The following DCC variants were observed in gnomAD, a reference collection of about 807,000 sequenced individuals.
DCC encodes DCC netrin 1 receptor.
DCC carries 58 observed loss-of-function variants against 172.5 expected under a neutral mutation model. The observed-to-expected ratio is 0.34, with a 90% CI of 0.27 to 0.42. The LOEUF (loss-of-function observed/expected upper bound fraction) is 0.42, where lower values mean the gene tolerates loss of function less well. Ranked by LOEUF, DCC falls within the 10% of genes least tolerant of loss-of-function variation. The probability of loss-of-function intolerance (pLI) is 1.00; values close to 1 mark genes in which losing one functional copy is unlikely to be tolerated. For missense variants in DCC, 1,740 were observed against 1,791.0 expected (o/e 0.97, Z 0.51); for synonymous variants, 709 against 644.5 (o/e 1.10, Z -1.52).
chr18:52,989,428 C>T (rs2041346827), intron 5 of DCC, among the ~76,000 whole-genome samples: 1 of 152,004 alleles, frequency 6.6e-6, no homozygotes, highest in South Asian at 2.1e-4. Flanking sequence ...GAGATGGAGG[C>T]AGGAGAATCA....
At chr18:53,450,797 T>C in intron 23 of DCC, 135 bp downstream of exon 23, 1 of 772,026 alleles carries the variant, frequency 1.3e-6, no homozygotes, top group Admixed American at 2.0e-5. Flanking sequence ...CCTTGCGTTT[T>C]GTCTATTCCA....
intron 5 of DCC, among the ~76,000 whole-genome samples, chr18:52,938,785 C>T (rs1598950301): frequency 6.6e-6 from 1 of 152,050 alleles, no homozygotes; most frequent in Non-Finnish European, 1.5e-5. Flanking sequence ...TTATACCTTA[C>T]ATTAAATCCA....
At chr18:52,562,666 A>G (rs572602074) in intron 1 of DCC, among the ~76,000 whole-genome samples, 1 of 152,276 alleles carries the variant, frequency 6.6e-6, no homozygotes, top group South Asian at 2.1e-4. Flanking sequence ...ATATACGAGT[A>G]TGATTAGGAA....
intron 9 of DCC, among the ~76,000 whole-genome samples, chr18:53,183,768 A>T (rs1244888515): frequency 6.6e-6 from 1 of 152,050 alleles, no homozygotes; most frequent in Non-Finnish European, 1.5e-5. Flanking sequence ...CCTTCATGAG[A>T]TTTTAAAAAT....
chr18:53,117,570 CA>C (rs1202867523), intron 7 of DCC, among the ~76,000 whole-genome samples: 1 of 151,656 alleles, frequency 6.6e-6, no homozygotes, highest in African/African-American at 2.4e-5. Flanking sequence ...TATATGCAGA[CA>C]ACTATGAGAG....
chr18:53,206,458 T>A (rs1302430481), intron 10 of DCC, among the ~76,000 whole-genome samples: 1 of 132,608 alleles, frequency 7.5e-6, no homozygotes, highest in Non-Finnish European at 1.6e-5. Context: ...TGTATATGTA[T>A]GTGTTATATA....
At chr18:52,897,758 C>T (rs901167431) in intron 2 of DCC, among the ~76,000 whole-genome samples, 13 of 152,190 alleles carry the variant, frequency 8.5e-5, no homozygotes, top group Admixed American at 5.2e-4. Flanking sequence ...CTTACCAGGA[C>T]TTCCTTTGCA....
Position 52,341,398 on chromosome 18 carries a change from A to G in DCC, c.91+520A>G, listed in dbSNP as rs1336631895. On this transcript the variant is annotated intron_variant, in intron 1 of 28. Transcript: ENST00000442544. ...GGTGATTGAGAATAGGGAAAGGGACAGCTAATATGTTTTGGTACTTCCAAG... is the reference window on the plus strand; with the variant it reads ...GGTGATTGAGAATAGGGAAAGGGACGGCTAATATGTTTTGGTACTTCCAAG... Among the ~76,000 whole-genome samples, 7 of 152,152 alleles carry G rather than the reference A, an allele frequency of 4.6e-5. No homozygotes were observed. In the East Asian group the frequency reaches 7.7e-4, roughly 17 times the overall value.
chr18:53,198,316 C>G (rs1182467435), intron 9 of DCC, among the ~76,000 whole-genome samples: 1 of 151,996 alleles, frequency 6.6e-6, no homozygotes, highest in African/African-American at 2.4e-5. Flanking sequence ...ATTTCAGGGG[C>G]TTGTTCATGG....
chr18:52,932,438 C>T (rs1354058226), intron 5 of DCC, among the ~76,000 whole-genome samples: 2 of 152,128 alleles, frequency 1.3e-5, no homozygotes, highest in African/African-American at 4.8e-5. Flanking sequence ...TTACAAAGTG[C>T]CAGGCTTTGG....
chr18:52,538,134 T>A (rs1237534590), intron 1 of DCC, among the ~76,000 whole-genome samples: 4 of 152,176 alleles, frequency 2.6e-5, no homozygotes, highest in Non-Finnish European at 5.9e-5. Context: ...GCATCAGACC[T>A]CTACACCTGT....
At chr18:52,759,041 T>A (rs1307572879) in intron 2 of DCC, 3 of 152,206 alleles carry the variant, frequency 2.0e-5, no homozygotes, top group African/African-American at 7.2e-5. Context: ...TGTTTTGTAG[T>A]TAAAGCATGA....
At chr18:52,660,398 C>A (rs1377779149) in intron 1 of DCC, among the ~76,000 whole-genome samples, 2 of 151,974 alleles carry the variant, frequency 1.3e-5, no homozygotes, top group Non-Finnish European at 1.5e-5. Context: ...TCCAAACCAC[C>A]ACACAAGAAC....
intron 9 of DCC, among the ~76,000 whole-genome samples, chr18:53,185,850 A>G (rs2055273391): frequency 6.6e-6 from 1 of 152,218 alleles, no homozygotes; most frequent in Non-Finnish European, 1.5e-5. Flanking sequence ...TTCAAAACAA[A>G]AAAGTTAATT....
chr18:53,359,846 AC>A (rs1184707370), intron 15 of DCC, among the ~76,000 whole-genome samples: 1 of 151,984 alleles, frequency 6.6e-6, no homozygotes, highest in East Asian at 1.9e-4. Flanking sequence ...GAGAACCCTG[AC>A]TCAGTACCCA....
chr18:53,486,595 T>C (rs2045902464), intron 25 of DCC, among the ~76,000 whole-genome samples: 1 of 152,182 alleles, frequency 6.6e-6, no homozygotes. Flanking sequence ...AGGGTAATAT[T>C]TCGTAGTATG....
At chr18:53,417,902 AGGCAAATGAGT>A (rs1910413904) in intron 21 of DCC, among the ~76,000 whole-genome samples, 1 of 152,180 alleles carries the variant, frequency 6.6e-6, no homozygotes. Context: ...ATTTTATGAA[AGGCAAATGAGT>A]AAATTATTTC....
intron 1 of DCC, among the ~76,000 whole-genome samples, chr18:52,701,575 C>T (rs1599030901): frequency 1.3e-5 from 2 of 152,192 alleles, no homozygotes; most frequent in African/African-American, 4.8e-5. Context: ...GGCTGATCCT[C>T]ATAAATATTT....
chr18:53,268,603 G>C (rs111881163), intron 12 of DCC, among the ~76,000 whole-genome samples: 5 of 151,514 alleles, frequency 3.3e-5, no homozygotes, highest in African/African-American at 9.7e-5. Flanking sequence ...TATTCCCTTT[G>C]TTATTTGGCC....
Sources: gnomAD v4.1 joint callset for allele counts (sites outside exome capture counted in the v4.1 genomes callset) on GRCh38, gnomAD v4.1.1 for gene constraint, MANE v1.5 for transcripts, NCBI Gene and HGNC (gene_info 2026-07-23, HGNC 2026-07-21) for gene names.